Variants in GIN1 observed in about 807,000 individuals in gnomAD.
GIN1 encodes the protein gypsy retrotransposon integrase 1.
GIN1 carries 41 observed loss-of-function variants against 51.4 expected under a neutral mutation model. That is an observed-to-expected ratio of 0.80 (90% CI 0.62 to 1.04). The LOEUF (loss-of-function observed/expected upper bound fraction) is 1.04. GIN1 is among the 50% of genes least tolerant of loss of function. The probability of loss-of-function intolerance (pLI) is 0.00; values close to 1 mark genes in which losing one functional copy is unlikely to be tolerated. For synonymous variants in GIN1, 222 were observed against 206.5 expected, an observed-to-expected ratio of 1.07 and a Z score of -0.64; for missense variants, 610 against 612.4, an observed-to-expected ratio of 1.00 and a Z score of 0.04.
At chr5:103,112,284 T>A (rs1787910270) in intron 1 of GIN1, among the ~76,000 whole-genome samples, 2 of 151,162 alleles carry the variant, frequency 1.3e-5, no homozygotes, top group South Asian at 4.2e-4. Context: ...TGTATTATTT[T>A]CATTTTTATA....
At chr5:103,116,285 G>A (rs1788028293) in intron 1 of GIN1, among the ~76,000 whole-genome samples, 1 of 152,116 alleles carries the variant, frequency 6.6e-6, no homozygotes, top group African/African-American at 2.4e-5. Flanking sequence ...CAAAATGACA[G>A]CCTTAAATCT....
intron 4 of GIN1, among the ~76,000 whole-genome samples, chr5:103,098,055 G>A (rs782208491): frequency 1.6e-4 from 24 of 151,984 alleles, no homozygotes; most frequent in Admixed American, 3.9e-4. Flanking sequence ...GCTAATTTTC[G>A]TATTTCTAGT....
At chr5:103,090,705 A>T (rs1416595034) in intron 7 of GIN1, among the ~76,000 whole-genome samples, 1 of 152,204 alleles carries the variant, frequency 6.6e-6, no homozygotes, top group African/African-American at 2.4e-5. Flanking sequence ...AAATATGTCT[A>T]GTAAACATAT....
chr5:103,106,583 T>TA, intron 3 of GIN1, 133 bp downstream of exon 3: 1 of 535,350 alleles, frequency 1.9e-6, no homozygotes, highest in Admixed American at 4.1e-5. Context: ...TGAAGGGAAA[T>TA]ACAACTCCCT....
rs373767697 is a variant in GIN1, at chr5:103,087,958, A to T, written c.1509T>A (p.Leu503=). The change falls in exon 8 of 8, where the codon CTT becomes CTA. Residue 503 remains leucine, a synonymous_variant. Transcript: ENST00000399004. Reference sequence around the variant, plus strand: ...CCAACAGACTGAAAGTCTGCTTTTCAAGAGAACTATGATCGTCTATCAATG... The same window carrying T: ...CCAACAGACTGAAAGTCTGCTTTTCTAGAGAACTATGATCGTCTATCAATG... ...ISPLIDDHSS[L]EKQTFSLLDS... The T allele has an allele frequency of 2.5e-6, 4 of 1,600,138 alleles. No homozygotes were observed. The highest frequency in any genetic ancestry group is 2.6e-6 in the Non-Finnish European group (3 of 1,168,868).
chr5:103,108,955 G>T (rs562664252), intron 1 of GIN1, among the ~76,000 whole-genome samples: 4 of 151,964 alleles, frequency 2.6e-5, no homozygotes, highest in African/African-American at 9.7e-5. Flanking sequence ...GATAAGAAAT[G>T]CTGAAAATTT....
At chr5:103,109,900 A>C (rs1331397722) in intron 1 of GIN1, among the ~76,000 whole-genome samples, 1 of 152,174 alleles carries the variant, frequency 6.6e-6, no homozygotes, top group Non-Finnish European at 1.5e-5. Flanking sequence ...CAAATACATC[A>C]CTGTAATTGA....
At chr5:103,092,789 C>T (rs193241328) in intron 7 of GIN1, among the ~76,000 whole-genome samples, 114 of 151,222 alleles carry the variant, frequency 7.5e-4, no homozygotes, top group African/African-American at 2.5e-3. Flanking sequence ...CTATAAAAAA[C>T]GAAAAACTCA....
At position 103,096,648 on chromosome 5, in the gene GIN1, A is replaced by C. The variant is rs1787401461; in HGVS notation, c.1187T>G (p.Ile396Ser). The C allele has an allele frequency of 6.2e-7, 1 of 1,613,758 alleles. No individual in the cohort carries two copies. The highest frequency in any genetic ancestry group is 8.5e-7 in the Non-Finnish European group (1 of 1,179,778). ...CAGGACAGCACATCCACTTTCTGTA[A>C]TATAGTCTATGACACAAGGACCAAC... ...EWVGPCVIDY[I>S]TESGCAVLRD... is the part of the protein sequence containing the mutation. The change falls in exon 7 of 8, where the codon ATT becomes AGT. Residue 396 changes from isoleucine to serine, a missense_variant. Transcript: ENST00000399004.
intron 1 of GIN1, among the ~76,000 whole-genome samples, chr5:103,112,826 C>A (rs1787924255): frequency 6.6e-6 from 1 of 151,970 alleles, no homozygotes; most frequent in South Asian, 2.1e-4. Flanking sequence ...AGTTACTGAG[C>A]TCTTAAACCC....
rs1788010658 is a variant in GIN1 at position 103,115,593 on chromosome 5, GGGAT to G, written c.-8+4467_-8+4470del. 2.6e-5 allele frequency among the ~76,000 whole-genome samples: 4 copies of G among 152,094 alleles called. No homozygotes were observed. The South Asian group carries it at 8.3e-4, about 31-fold the overall frequency. On this transcript the variant is annotated intron_variant, in intron 1 of 7. Transcript: ENST00000399004. ...GTTACACAAAATGAAAAGAGTTCTT[GGGAT>G]GGATGGTGGTAATAGTTGTAAAACA...
chr5:103,119,404 T>C (rs1181269070), intron 1 of GIN1, among the ~76,000 whole-genome samples: 1 of 152,204 alleles, frequency 6.6e-6, no homozygotes, highest in East Asian at 1.9e-4. Flanking sequence ...TCTGGTTCAC[T>C]TCAGAGTACA....
intron 1 of GIN1, among the ~76,000 whole-genome samples, chr5:103,111,675 G>A (rs782015735): frequency 1.3e-5 from 2 of 152,138 alleles, no homozygotes; most frequent in African/African-American, 2.4e-5. Context: ...ACAGAGGGAT[G>A]TGGGTAACCA....
rs781825726 is a variant in GIN1 at position 103,118,032 on chromosome 5, G to T, written c.-8+2032C>A. ...TTAGATTATAAATGAGGAATGGAAA[G>T]AGTTTATTAATTTTTTATGTTTACA... On this transcript the variant is annotated intron_variant, in intron 1 of 7. Transcript: ENST00000399004. Among the ~76,000 whole-genome samples, 7 of 152,116 alleles carry T rather than the reference G, an allele frequency of 4.6e-5. 1 individual carries two copies. Among genetic ancestry groups the T allele is most frequent in the Non-Finnish European group, 1.0e-4 (7 of 67,966 alleles).
At position 103,104,478 on chromosome 5, in the gene GIN1, T is replaced by C. The variant is rs568066901; in HGVS notation, c.639+63A>G. The C allele has an allele frequency of 1.8e-4, 134 of 763,690 alleles. 1 individual carries two copies. The highest frequency in any genetic ancestry group is 2.8e-4 in the Non-Finnish European group (128 of 458,752). 47.3% of individuals were successfully genotyped at this position (763,690 alleles called of 1,614,324 possible). A position where few individuals can be genotyped will look rare whatever the true frequency, so the allele number is the denominator to read the frequency against. ...CTCTGTAATATAATGCAGAGGGCAC[T>C]GGTTCTGGACACTGAAAAGAAGTAA... On this transcript the variant is annotated intron_variant, in intron 4 of 7. Coordinates refer to ENST00000399004, the MANE Select transcript of GIN1 (RefSeq NM_017676.2).
In GIN1 at chr5:103,104,473, G is replaced by T. The variant is rs560857151; in HGVS notation, c.639+68C>A. 14 of 716,594 alleles carry T rather than the reference G, an allele frequency of 2.0e-5. No individual in the cohort carries two copies. In the African/African-American group the frequency reaches 2.3e-4, roughly 12 times the overall value. The allele number at this position is 716,594 out of a possible 1,614,324, so 44.4% of individuals were successfully genotyped here. On this transcript the variant is annotated intron_variant, in intron 4 of 7. Coordinates refer to ENST00000399004, the MANE Select transcript of GIN1 (RefSeq NM_017676.2). ...AAGCACTCTGTAATATAATGCAGAG[G>T]GCACTGGTTCTGGACACTGAAAAGA...
At chr5:103,093,735 A>G (rs1554194762) in intron 7 of GIN1, among the ~76,000 whole-genome samples, 1 of 152,208 alleles carries the variant, frequency 6.6e-6, no homozygotes, top group African/African-American at 2.4e-5. Context: ...TGCAAAATCT[A>G]TGTCAGATTA....
chr5:103,099,301 G>A (rs1787502247), intron 4 of GIN1, among the ~76,000 whole-genome samples: 1 of 151,966 alleles, frequency 6.6e-6, no homozygotes, highest in South Asian at 2.1e-4. Context: ...ATTGTGGCAT[G>A]TGCTCCAGCA....
intron 1 of GIN1, among the ~76,000 whole-genome samples, chr5:103,109,931 T>C (rs781962340): frequency 4.6e-5 from 7 of 152,064 alleles, no homozygotes; most frequent in African/African-American, 1.7e-4. Flanking sequence ...CAGAATTACA[T>C]CCACACATGT....
Sources: gnomAD v4.1 joint callset for allele counts (sites outside exome capture counted in the v4.1 genomes callset) on GRCh38, gnomAD v4.1.1 for gene constraint, MANE v1.5 for transcripts, NCBI Gene and HGNC (gene_info 2026-07-23, HGNC 2026-07-21) for gene names.